Variants in FNTA observed in about 807,000 individuals in gnomAD.
FNTA encodes the protein farnesyltransferase, CAAX box, subunit alpha, also known as protein farnesyltransferase/geranylgeranyltransferase type-1 subunit alpha.
FNTA carries 27 observed loss-of-function variants against 55.2 expected under a neutral mutation model. The ratio of observed to expected loss-of-function variants is 0.49; its 90% confidence interval spans 0.36 to 0.67. The LOEUF (loss-of-function observed/expected upper bound fraction) is 0.67. Ranked by LOEUF, FNTA falls within the 30% of genes least tolerant of loss-of-function variation. The probability of loss-of-function intolerance (pLI) is 0.00; values close to 1 mark genes in which losing one functional copy is unlikely to be tolerated. For missense variants in FNTA, 422 were observed against 464.7 expected (o/e 0.91, Z 0.85); for synonymous variants, 176 against 170.7 (o/e 1.03, Z -0.24).
chr8:43,074,522 C>T (rs1810864895), intron 5 of FNTA, among the ~76,000 whole-genome samples: 1 of 139,182 alleles, frequency 7.2e-6, no homozygotes, highest in Non-Finnish European at 1.5e-5. Context: ...GAGACCCTGT[C>T]TCAAAAGAAA....
rs375452150 is a variant in FNTA at position 43,082,769 on chromosome 8, C to T, written c.783-349C>T. On this transcript the variant is annotated intron_variant, in intron 6 of 8. Transcript: ENST00000302279. ...AGTCTTAGTAAAACTGTGTCTTGGC[C>T]GGGCGCAGTGGCTCATGCCTATAAT... 26 of 165,994 alleles carry T rather than the reference C, an allele frequency of 1.6e-4. No individual in the cohort carries two copies. In the East Asian group the frequency reaches 3.3e-3, roughly 21 times the overall value. 10.3% of individuals were successfully genotyped at this position (165,994 alleles called of 1,614,324 possible).
At chr8:43,084,410 C>T (rs954343035) in intron 7 of FNTA, among the ~76,000 whole-genome samples, 51 of 151,926 alleles carry the variant, frequency 3.4e-4, no homozygotes, top group Non-Finnish European at 2.6e-4. Flanking sequence ...TTAGTAGAGA[C>T]GAGATCTTGC....
At chr8:43,064,295 AT>A in intron 3 of FNTA, 80 bp downstream of exon 3, 1 of 894,862 alleles carries the variant, frequency 1.1e-6, no homozygotes, top group Non-Finnish European at 1.8e-6. Context: ...CTGTACTTTA[AT>A]TTTTTTAAAC....
At chr8:43,084,532 T>C in intron 7 of FNTA, 178 bp from the exon 8 acceptor site, 1 of 525,504 alleles carries the variant, frequency 1.9e-6, no homozygotes, top group East Asian at 3.4e-5. Flanking sequence ...CTTAATTAAC[T>C]AATGATCTAT....
At chr8:43,069,322 G>C (rs1013987751) in intron 3 of FNTA, among the ~76,000 whole-genome samples, 1 of 151,888 alleles carries the variant, frequency 6.6e-6, no homozygotes, top group African/African-American at 2.4e-5. Flanking sequence ...GTTTCACCAC[G>C]TTGGCAAGGC....
At chr8:43,065,291 A>C (rs1810629819) in intron 3 of FNTA, among the ~76,000 whole-genome samples, 1 of 149,792 alleles carries the variant, frequency 6.7e-6, no homozygotes, top group Non-Finnish European at 1.5e-5. Context: ...CTTGTTGCCC[A>C]GGTTGGAGTG....
At chr8:43,081,389 C>T (rs1373784999) in intron 6 of FNTA, 1 of 152,092 alleles carries the variant, frequency 6.6e-6, no homozygotes, top group African/African-American at 2.4e-5. Flanking sequence ...TCTAGTACTA[C>T]CAATAACAGC....
At chr8:43,069,418 C>G in intron 3 of FNTA, 137 bp from the exon 4 acceptor site, 1 of 614,906 alleles carries the variant, frequency 1.6e-6, no homozygotes, top group Non-Finnish European at 2.9e-6. Flanking sequence ...CCGTGCTTGG[C>G]CTATAATTGT....
At chr8:43,065,244 T>C (rs1047210359) in intron 3 of FNTA, among the ~76,000 whole-genome samples, 1 of 152,096 alleles carries the variant, frequency 6.6e-6, no homozygotes, top group African/African-American at 2.4e-5. Flanking sequence ...ACACACTTTT[T>C]TTTTTTTGTT....
chr8:43,064,332 G>T (rs780450404), intron 3 of FNTA, 117 bp downstream of exon 3: 53 of 639,746 alleles, frequency 8.3e-5, no homozygotes, highest in Admixed American at 2.2e-4. Context: ...TTGGAGGGGG[G>T]TGCAGTTTCA....
At position 43,057,937 on chromosome 8, in the gene FNTA, C is replaced by G. The variant is rs1010898195; in HGVS notation, c.201-1155C>G. 8.1e-5 allele frequency among the ~76,000 whole-genome samples: 10 copies of G among 123,504 alleles called. 1 individual carries two copies. Among genetic ancestry groups the G allele is most frequent in the African/African-American group, 3.2e-4 (10 of 31,566 alleles). 81.0% of individuals were successfully genotyped at this position (123,504 alleles called of 152,430 possible). A position where few individuals can be genotyped will look rare whatever the true frequency, so the allele number is the denominator to read the frequency against. On this transcript the variant is annotated intron_variant, in intron 1 of 8. Coordinates refer to ENST00000302279, the MANE Select transcript of FNTA (RefSeq NM_002027.3). ...TGCGCCCATTGCACCACAGCCTGGA[C>G]AAGAGCGTGACTCCATCTCAAAAAA...
intron 2 of FNTA, among the ~76,000 whole-genome samples, chr8:43,063,519 C>T (rs1314467699): frequency 2.6e-5 from 4 of 151,334 alleles, no homozygotes; most frequent in African/African-American, 9.7e-5. Context: ...TAATAATGTA[C>T]GAGTGAAAAA....
rs559110532 is a variant in FNTA at position 43,062,860 on chromosome 8, A to C, written c.287-1241A>C. 3.0e-4 allele frequency among the ~76,000 whole-genome samples: 45 copies of C among 152,316 alleles called. No homozygotes were observed. The South Asian group carries it at 9.3e-3, about 32-fold the overall frequency. On this transcript the variant is annotated intron_variant, in intron 2 of 8. Transcript: ENST00000302279. ...CCACAGGCCAAGGGATCAGTGCTGCAACATCCATCCCACTTCAGATGCCAT... is the reference window on the plus strand; with the variant it reads ...CCACAGGCCAAGGGATCAGTGCTGCCACATCCATCCCACTTCAGATGCCAT...
intron 3 of FNTA, among the ~76,000 whole-genome samples, chr8:43,067,827 C>T (rs1010312474): frequency 5.9e-5 from 9 of 152,124 alleles, no homozygotes; most frequent in African/African-American, 2.2e-4. Context: ...TCAAGTGATT[C>T]TCGTGCTGCA....
chr8:43,062,969 G>C (rs1249329337), intron 2 of FNTA, among the ~76,000 whole-genome samples: 7 of 152,042 alleles, frequency 4.6e-5, no homozygotes, highest in African/African-American at 1.7e-4. Context: ...TCTTTTCAGA[G>C]ACAGGCTCTC....
At chr8:43,082,028 A>T (rs1466826802) in intron 6 of FNTA, 1 of 152,154 alleles carries the variant, frequency 6.6e-6, no homozygotes, top group Non-Finnish European at 1.5e-5. Flanking sequence ...GTCATGTAAA[A>T]GTAGTTGGAA....
At chr8:43,078,835 A>G (rs551264014) in intron 6 of FNTA, 1 of 152,360 alleles carries the variant, frequency 6.6e-6, no homozygotes, top group Non-Finnish European at 1.5e-5. Flanking sequence ...CCAAACACCA[A>G]ACTCATAAGA....
intron 7 of FNTA, 56 bp downstream of exon 7, chr8:43,083,236 AT>A: frequency 1.0e-6 from 1 of 958,766 alleles, no homozygotes; most frequent in Middle Eastern, 2.2e-4. Context: ...TATATGATGC[AT>A]CATGGAGTGT....
At chr8:43,076,369 A>T (rs1266536643) in intron 5 of FNTA, among the ~76,000 whole-genome samples, 2 of 151,772 alleles carry the variant, frequency 1.3e-5, no homozygotes, top group South Asian at 4.2e-4. Context: ...TCCAGACAAG[A>T]TCTTGTTATG....
Sources: gnomAD v4.1 joint callset for allele counts (sites outside exome capture counted in the v4.1 genomes callset) on GRCh38, gnomAD v4.1.1 for gene constraint, MANE v1.5 for transcripts, NCBI Gene and HGNC (gene_info 2026-07-23, HGNC 2026-07-21) for gene names.